The following ODR4 variants were observed in gnomAD, a reference collection of about 807,000 sequenced individuals.
ODR4 encodes protein odr-4 homolog.
A neutral mutation model predicts 60.2 loss-of-function variants in ODR4; 47 were observed. The observed-to-expected ratio is 0.78, with a 90% CI of 0.62 to 1.00. The LOEUF is 1.00. Ranked by LOEUF, ODR4 falls within the 50% of genes least tolerant of loss-of-function variation. The pLI is 0.00. For missense variants in ODR4, 488 were observed against 530.8 expected, an observed-to-expected ratio of 0.92 and a Z score of 0.79; for synonymous variants, 178 against 175.5, an observed-to-expected ratio of 1.01 and a Z score of -0.11.
At chr1:186,385,725 A>G (rs1660227155) in intron 3 of ODR4, among the ~76,000 whole-genome samples, 2 of 152,206 alleles carry the variant, frequency 1.3e-5, no homozygotes, top group Non-Finnish European at 2.9e-5. Context: ...CAGATCCTAG[A>G]AAGTCTGAAA....
intron 6 of ODR4, 142 bp downstream of exon 6, chr1:186,389,766 A>G (rs1660389880): frequency 1.6e-6 from 1 of 611,032 alleles, no homozygotes; most frequent in South Asian, 2.3e-5. Flanking sequence ...ATTTTGAAAT[A>G]TGATTAATTT....
chr1:186,429,231 C>T, the ODR4 span, among the ~76,000 whole-genome samples: 1 of 151,424 alleles, frequency 6.6e-6, no homozygotes, highest in Non-Finnish European at 1.5e-5. Context: ...AGCCTGAGTG[C>T]ACACACTGAG....
intron 12 of ODR4, among the ~76,000 whole-genome samples, chr1:186,406,923 A>G (rs1661196603): frequency 6.6e-6 from 1 of 152,100 alleles, no homozygotes. Flanking sequence ...GTCTATAAAT[A>G]AATATGTAAG....
chr1:186,431,113 A>G, the ODR4 span, among the ~76,000 whole-genome samples: 67 of 152,296 alleles, frequency 4.4e-4, no homozygotes, highest in African/African-American at 1.4e-3. Flanking sequence ...TTCTAGCATA[A>G]TAGCTCAGAG....
rs764453943 is a variant in ODR4, at chr1:186,383,066, A to G, written c.144A>G (p.Pro48=). The G allele has an allele frequency of 1.3e-6, 2 of 1,579,506 alleles. No homozygotes were observed. Among genetic ancestry groups the G allele is most frequent in the Non-Finnish European group, 1.7e-6 (2 of 1,161,490 alleles). The part of the protein sequence containing the change: ...KDYVILATRT[P]PKEEQSENLK... ...ATGTGATTCTTGCCACTAGAACGCC[A>G]CCCAAAGAGGAGCAAAGTGAGAACC... The change falls in exon 3 of 14, where the codon CCA becomes CCG. Residue 48 remains proline (P), a synonymous_variant. Coordinates refer to ENST00000287859, the MANE Select transcript of ODR4 (RefSeq NM_017847.6).
intron 6 of ODR4, among the ~76,000 whole-genome samples, chr1:186,390,340 A>T (rs1300148597): frequency 6.6e-6 from 1 of 152,236 alleles, no homozygotes; most frequent in Non-Finnish European, 1.5e-5. Context: ...TGGGACAGAA[A>T]GGAGAATGCC....
At chr1:186,413,602 T>C (rs571736607) in intron 12 of ODR4, among the ~76,000 whole-genome samples, 1 of 152,304 alleles carries the variant, frequency 6.6e-6, no homozygotes, top group South Asian at 2.1e-4. Flanking sequence ...AAATTTGAAG[T>C]CATACCTTTA....
At chr1:186,392,024 G>A (rs1019261490) in intron 8 of ODR4, among the ~76,000 whole-genome samples, 16 of 151,896 alleles carry the variant, frequency 1.1e-4, no homozygotes, top group African/African-American at 3.4e-4. Context: ...GCCAAGAATC[G>A]TATGAAAAAA....
intron 4 of ODR4, 114 bp from the exon 5 acceptor site, chr1:186,388,328 A>G (rs1024310020): frequency 3.4e-6 from 2 of 592,166 alleles, no homozygotes; most frequent in Non-Finnish European, 5.7e-6. Context: ...ATAAATAAAG[A>G]ATCATGGAAT....
chr1:186,395,930 A>G (rs1456212172), intron 9 of ODR4, among the ~76,000 whole-genome samples: 1 of 152,186 alleles, frequency 6.6e-6, no homozygotes, highest in Non-Finnish European at 1.5e-5. Context: ...AGGGTTCTTC[A>G]TAGCCTCAGC....
At chr1:186,412,444 A>G (rs988828553) in intron 12 of ODR4, among the ~76,000 whole-genome samples, 2 of 152,118 alleles carry the variant, frequency 1.3e-5, no homozygotes, top group Non-Finnish European at 2.9e-5. Context: ...TATGAGATGT[A>G]TTACAACCAA....
At position 186,393,837 on chromosome 1, in the gene ODR4, A is replaced by T; in HGVS notation, c.712-110A>T. On this transcript the variant is annotated intron_variant, in intron 8 of 13. Coordinates refer to ENST00000287859, the MANE Select transcript of ODR4 (RefSeq NM_017847.6). ...ATAAAAAGCTAAATTAAAATAATTA[A>T]AAGACTTGTTTTTTTCTAAGTTACT... 9 of 643,584 alleles carry T rather than the reference A, an allele frequency of 1.4e-5. No homozygotes were observed. The South Asian group carries it at 1.7e-4, about 12-fold the overall frequency. 39.9% of individuals were successfully genotyped at this position (643,584 alleles called of 1,614,324 possible).
chr1:186,425,734 C>T (rs1661870202), downstream of ODR4, among the ~76,000 whole-genome samples: 1 of 152,124 alleles, frequency 6.6e-6, no homozygotes, highest in Non-Finnish European at 1.5e-5. Context: ...ATTTCTGAAA[C>T]CTTAAAGGAT....
chr1:186,386,036 AT>A lies in ODR4; in HGVS notation c.285del (p.Thr96LeufsTer3). ...ACTTTTAGTTCTTGGAGTATTTATT[AT>A]TACTACTTTAGAACTGGCAAATGAT... Reference protein sequence around the residue: ...GGLLVLGVFIITTLELANDFQ... With the variant: ...GGLLVLGVFIXTTLELANDFQ... On this transcript the variant is annotated frameshift_variant, in exon 4 of 14. Coordinates refer to ENST00000287859, the MANE Select transcript of ODR4 (RefSeq NM_017847.6). LOFTEE classifies it high-confidence loss of function. 6.2e-7 allele frequency: 1 copy of A among 1,606,412 alleles called. No individual in the cohort carries two copies. The highest frequency in any genetic ancestry group is 1.1e-5 in the South Asian group (1 of 89,998).
At chr1:186,402,373 C>A (rs746943910) in intron 11 of ODR4, among the ~76,000 whole-genome samples, 1 of 146,768 alleles carries the variant, frequency 6.8e-6, no homozygotes, top group African/African-American at 2.5e-5. Context: ...TTTCTCTCTC[C>A]TTCCTTCCTT....
Position 186,419,913 on chromosome 1 carries a change from C to T in ODR4, c.*837C>T, listed in dbSNP as rs564877062. On this transcript the variant is annotated 3_prime_UTR_variant, in exon 14 of 14. Transcript: ENST00000287859. ...TTTGTTCTGATCAAGGGGTAGGGAA[C>T]CTTTCCAGAGAAGTCCCATTAGTAA... The T allele has an allele frequency of 6.6e-6, 1 of 152,150 alleles. No homozygotes were observed. The highest frequency in any genetic ancestry group is 2.1e-4 in the South Asian group (1 of 4,814). The allele number at this position is 152,150 out of a possible 1,614,324, so 9.4% of individuals were successfully genotyped here.
At chr1:186,392,427 C>T (rs1271241576) in intron 8 of ODR4, among the ~76,000 whole-genome samples, 2 of 152,186 alleles carry the variant, frequency 1.3e-5, no homozygotes, top group Admixed American at 1.3e-4. Context: ...AAATGTGGTA[C>T]ATATACACCA....
At chr1:186,433,607 G>A in the ODR4 span, among the ~76,000 whole-genome samples, 1 of 152,050 alleles carries the variant, frequency 6.6e-6, no homozygotes, top group Non-Finnish European at 1.5e-5. Context: ...TTGAGACAGA[G>A]TCTCACTCTG....
chr1:186,408,342 C>T (rs542430282), intron 12 of ODR4, among the ~76,000 whole-genome samples: 123 of 152,048 alleles, frequency 8.1e-4, no homozygotes, highest in Non-Finnish European at 1.2e-3. Flanking sequence ...GATATAGATA[C>T]ATATTTTAGC....
Sources: gnomAD v4.1 joint callset for allele counts (sites outside exome capture counted in the v4.1 genomes callset) on GRCh38, gnomAD v4.1.1 for gene constraint, MANE v1.5 for transcripts, NCBI Gene and HGNC (gene_info 2026-07-23, HGNC 2026-07-21) for gene names.